The following TENM1 variants were observed in gnomAD, a reference collection of about 807,000 sequenced individuals.
The protein encoded by TENM1 is teneurin-1.
TENM1 carries 35 observed loss-of-function variants against 174.8 expected under a neutral mutation model. The observed-to-expected ratio is 0.20, with a 90% confidence interval of 0.15 to 0.27. The LOEUF (loss-of-function observed/expected upper bound fraction) is 0.27, where lower values mean the gene tolerates loss of function less well. Ranked by LOEUF, TENM1 falls within the 10% of genes least tolerant of loss-of-function variation. The pLI, the probability that TENM1 is intolerant of heterozygous loss-of-function variation, is 1.00. For synonymous variants in TENM1, 781 were observed against 798.7 expected, an observed-to-expected ratio of 0.98 and a Z score of 0.37; for missense variants, 1,633 against 2,130.1, an observed-to-expected ratio of 0.77 and a Z score of 4.59.
chrX:125,186,740 A>AC, the TENM1 span, among the ~76,000 whole-genome samples: 16 of 111,014 alleles, frequency 1.4e-4, no homozygotes, highest in Non-Finnish European at 2.3e-4. Context: ...CAGAACTGTG[A>AC]CCCAAATAAA....
intron 10 of TENM1, among the ~76,000 whole-genome samples, chrX:124,644,044 CATATATAT>C (rs72253813): frequency 0.019 from 1,516 of 79,173 alleles, 31 homozygotes; most frequent in African/African-American, 0.064. Flanking sequence ...ATATAAATGG[CATATATAT>C]ATATATATAT....
chrX:125,153,932 T>C, the TENM1 span, among the ~76,000 whole-genome samples: 1 of 112,365 alleles, frequency 8.9e-6, no homozygotes, highest in African/African-American at 3.2e-5. Context: ...TGTTGAGTGG[T>C]ATTTCTCCCA....
intron 3 of TENM1, among the ~76,000 whole-genome samples, chrX:124,770,937 G>C (rs1258342047): frequency 8.9e-6 from 1 of 111,897 alleles, no homozygotes; most frequent in Non-Finnish European, 1.9e-5. Flanking sequence ...CTGAAACTTA[G>C]AAAATGTAGA....
Position 124,730,086 on chromosome X carries a change from T to C in TENM1, c.776+6871A>G, listed in dbSNP as rs761111159. 7.4e-4 allele frequency among the ~76,000 whole-genome samples: 82 copies of C among 110,360 alleles called. 1 individual carries two copies. Among genetic ancestry groups the C allele is most frequent in the African/African-American group, 2.6e-3 (78 of 30,242 alleles). Reference sequence around the variant, plus strand: ...GGTGTCACCATGTTGGCCAGGCTGGTCCGGAACTCCTGACCTCAGGTGATC... The same window carrying C: ...GGTGTCACCATGTTGGCCAGGCTGGCCCGGAACTCCTGACCTCAGGTGATC... On this transcript the variant is annotated intron_variant, in intron 4 of 31. Transcript: ENST00000422452.
chrX:124,849,844 TA>T (rs1207978951), intron 3 of TENM1, among the ~76,000 whole-genome samples: 1 of 112,054 alleles, frequency 8.9e-6, no homozygotes, highest in Non-Finnish European at 1.9e-5. Context: ...CAGTGGAAGA[TA>T]AGAGAAAGCA....
At chrX:124,794,835 G>GA (rs1376822040) in intron 3 of TENM1, among the ~76,000 whole-genome samples, 5 of 110,724 alleles carry the variant, frequency 4.5e-5, no homozygotes, top group Non-Finnish European at 9.5e-5. Context: ...TCACATTTTT[G>GA]ACACACGGGT....
the TENM1 span, among the ~76,000 whole-genome samples, chrX:125,058,301 G>A: frequency 8.9e-6 from 1 of 111,828 alleles, no homozygotes; most frequent in Non-Finnish European, 1.9e-5. Context: ...TACTGACACA[G>A]ATCAAACAGT....
chrX:124,612,487 T>C (rs1203251963), intron 11 of TENM1, among the ~76,000 whole-genome samples: 1 of 111,489 alleles, frequency 9.0e-6, no homozygotes, highest in Non-Finnish European at 1.9e-5. Context: ...GGCAACATTT[T>C]TTTCTAAGAA....
intron 18 of TENM1, among the ~76,000 whole-genome samples, chrX:124,516,301 C>T (rs894325365): frequency 2.7e-5 from 3 of 111,956 alleles, no homozygotes; most frequent in Non-Finnish European, 5.6e-5. Context: ...GCAAAAATTT[C>T]ATGAGGAAGA....
intron 3 of TENM1, among the ~76,000 whole-genome samples, chrX:124,748,523 C>A (rs1419789895): frequency 9.0e-6 from 1 of 111,023 alleles, no homozygotes; most frequent in Non-Finnish European, 1.9e-5. Context: ...GAGAAATTAA[C>A]CTAAACGTTT....
At chrX:124,741,998 A>G (rs935603001) in intron 3 of TENM1, among the ~76,000 whole-genome samples, 1 of 112,299 alleles carries the variant, frequency 8.9e-6, no homozygotes, top group East Asian at 2.8e-4. Flanking sequence ...CTGGCTGTAC[A>G]TGCAAAATAA....
chrX:124,582,902 G>A (rs1182200590), intron 11 of TENM1, among the ~76,000 whole-genome samples: 1 of 112,448 alleles, frequency 8.9e-6, no homozygotes, highest in African/African-American at 3.2e-5. Flanking sequence ...GGCTTCGAGG[G>A]TCCTACGCCC....
intron 5 of TENM1, among the ~76,000 whole-genome samples, chrX:124,694,444 A>G (rs941055841): frequency 1.2e-4 from 13 of 111,419 alleles, no homozygotes; most frequent in South Asian, 1.1e-3. Context: ...AGAATTATCT[A>G]TCTCCTATTT....
chrX:124,623,662 C>A (rs937838778), intron 11 of TENM1, among the ~76,000 whole-genome samples: 9 of 111,435 alleles, frequency 8.1e-5, no homozygotes, highest in African/African-American at 2.9e-4. Flanking sequence ...TAGCTATATT[C>A]AAAATCTGCA....
At chrX:124,543,986 T>C (rs2048377057) in intron 15 of TENM1, among the ~76,000 whole-genome samples, 1 of 112,919 alleles carries the variant, frequency 8.9e-6, no homozygotes. Context: ...CATCTTTAGC[T>C]CCAAAGGTTT....
At chrX:124,998,359 C>T in the TENM1 span, among the ~76,000 whole-genome samples, 1 of 109,079 alleles carries the variant, frequency 9.2e-6, no homozygotes, top group Non-Finnish European at 1.9e-5. Context: ...AGCTCAAAAA[C>T]AGATGAAGAT....
At chrX:124,561,875 A>G (rs2048826755) in intron 13 of TENM1, 58 bp from the exon 17 acceptor site, 2 of 1,120,588 alleles carry the variant, frequency 1.8e-6, no homozygotes, top group South Asian at 3.9e-5. Flanking sequence ...TTGGCCAACA[A>G]TGATGTATTT....
the TENM1 span, among the ~76,000 whole-genome samples, chrX:125,030,461 G>A: frequency 8.9e-6 from 1 of 111,811 alleles, no homozygotes; most frequent in African/African-American, 3.3e-5. Context: ...CTACCAAAAT[G>A]GCTTTCTATA....
the TENM1 span, among the ~76,000 whole-genome samples, chrX:124,977,948 G>GTC: frequency 2.0e-5 from 1 of 49,175 alleles, no homozygotes; most frequent in Admixed American, 3.3e-4. Context: ...TAGTGTGTGT[G>GTC]TGTGTGTGTG....
Sources: allele counts gnomAD v4.1 joint callset (sites outside exome capture counted in the v4.1 genomes callset), GRCh38; gene constraint gnomAD v4.1.1; transcripts MANE v1.5; gene names NCBI Gene and HGNC (gene_info 2026-07-23, HGNC 2026-07-21).